R3HCC1L: variants seen among roughly 807,000 people sequenced by gnomAD.
R3HCC1L encodes the protein R3H domain and coiled-coil containing 1 like.
In R3HCC1L, 51 loss-of-function variants were observed where a neutral mutation model predicts 59.9. The ratio of observed to expected loss-of-function variants is 0.85; its 90% CI spans 0.68 to 1.07. R3HCC1L has a LOEUF of 1.07. R3HCC1L is among the 50% of genes least tolerant of loss of function. R3HCC1L has a pLI of 0.00. For synonymous variants in R3HCC1L, 322 were observed against 315.2 expected (o/e 1.02, Z -0.23); for missense variants, 965 against 933.0 (o/e 1.03, Z -0.45).
intron 4 of R3HCC1L, among the ~76,000 whole-genome samples, chr10:98,198,636 C>T (rs968523770): frequency 6.6e-6 from 1 of 150,444 alleles, no homozygotes; most frequent in African/African-American, 2.4e-5. Flanking sequence ...GTTTTGTTTT[C>T]TGATTTATGG....
At position 98,244,253 on chromosome 10, in the gene R3HCC1L, A is replaced by G. The variant is rs1857870579; in HGVS notation, c.*95A>G. ...CTTCCAGAGCTCTATGTACATGCAGATGTGCATGTTAAAGAGATAAAGTGA... is the reference window on the plus strand; with the variant it reads ...CTTCCAGAGCTCTATGTACATGCAGGTGTGCATGTTAAAGAGATAAAGTGA... On this transcript the variant is annotated 3_prime_UTR_variant, in exon 10 of 10. Transcript: ENST00000298999. 1 of 1,206,298 alleles carries G rather than the reference A, an allele frequency of 8.3e-7. No homozygotes were observed. Among genetic ancestry groups the G allele is most frequent in the African/African-American group, 1.5e-5 (1 of 66,346 alleles). 74.7% of individuals were successfully genotyped at this position (1,206,298 alleles called of 1,614,324 possible).
intron 4 of R3HCC1L, among the ~76,000 whole-genome samples, chr10:98,195,472 G>A (rs1851326266): frequency 6.7e-6 from 1 of 149,466 alleles, no homozygotes; most frequent in South Asian, 2.1e-4. Context: ...TACAGAAAAT[G>A]CACAAAACGT....
At chr10:98,231,029 T>TC (rs1251655054) in intron 5 of R3HCC1L, 1 of 424,080 alleles carries the variant, frequency 2.4e-6, no homozygotes, top group South Asian at 1.7e-5. Context: ...TTTAATACAT[T>TC]CAACAAAAAG....
intron 2 of R3HCC1L, among the ~76,000 whole-genome samples, chr10:98,162,024 C>T (rs138670785): frequency 6.8e-4 from 104 of 152,198 alleles, no homozygotes; most frequent in African/African-American, 2.2e-3. Context: ...GAATATCTTT[C>T]CATTTGTTCA....
At chr10:98,217,456 C>G (rs1854344760) in intron 5 of R3HCC1L, among the ~76,000 whole-genome samples, 1 of 152,092 alleles carries the variant, frequency 6.6e-6, no homozygotes, top group African/African-American at 2.4e-5. Context: ...TGTGATACCT[C>G]CAGATTTATT....
chr10:98,182,490 G>T (rs2134608873), intron 4 of R3HCC1L, among the ~76,000 whole-genome samples: 1 of 152,258 alleles, frequency 6.6e-6, no homozygotes, highest in East Asian at 1.9e-4. Context: ...CTACATGGGG[G>T]GTCAGGGACC....
intron 4 of R3HCC1L, among the ~76,000 whole-genome samples, chr10:98,190,493 G>A (rs1850708078): frequency 6.6e-6 from 1 of 152,034 alleles, no homozygotes; most frequent in African/African-American, 2.4e-5. Flanking sequence ...TGAATATGCT[G>A]TTTAGAATAG....
intron 4 of R3HCC1L, among the ~76,000 whole-genome samples, chr10:98,177,793 A>C (rs1441737793): frequency 6.6e-6 from 1 of 152,090 alleles, no homozygotes; most frequent in African/African-American, 2.4e-5. Context: ...GATGATGAGC[A>C]TTTTTTCATG....
chr10:98,145,392 C>CTG (rs1845555596), intron 1 of R3HCC1L, among the ~76,000 whole-genome samples: 1 of 152,126 alleles, frequency 6.6e-6, no homozygotes, highest in Admixed American at 6.5e-5. Context: ...ATGAAGTGTA[C>CTG]TGTGTCATTG....
chr10:98,152,198 G>A (rs567561020), intron 1 of R3HCC1L, among the ~76,000 whole-genome samples: 21 of 152,356 alleles, frequency 1.4e-4, no homozygotes, highest in Admixed American at 1.0e-3. Context: ...CGAGTGGTCC[G>A]CCAGCCTCGG....
intron 7 of R3HCC1L, 94 bp downstream of exon 7, chr10:98,234,610 T>C: frequency 7.5e-7 from 1 of 1,337,254 alleles, no homozygotes; most frequent in Non-Finnish European, 1.1e-6. Context: ...AGTTGGCATC[T>C]TATTCAGCCA....
At chr10:98,165,236 G>C (rs1457480787) in intron 4 of R3HCC1L, among the ~76,000 whole-genome samples, 1 of 152,218 alleles carries the variant, frequency 6.6e-6, no homozygotes, top group African/African-American at 2.4e-5. Context: ...TGCACTTCCA[G>C]CCTGGGCGAC....
At chr10:98,236,284 C>G (rs1856951210) in intron 9 of R3HCC1L, 120 bp downstream of exon 9, 1 of 1,306,810 alleles carries the variant, frequency 7.7e-7, no homozygotes, top group Non-Finnish European at 1.0e-6. Flanking sequence ...TAGAAGCCTC[C>G]TAAGTGTATA....
rs529269492 is a variant in R3HCC1L, at chr10:98,170,378, C to G, written c.-15+6981C>G. Among the ~76,000 whole-genome samples, 3 of 152,224 alleles carry G rather than the reference C, an allele frequency of 2.0e-5. No homozygotes were observed. The East Asian group carries it at 5.8e-4, about 29-fold the overall frequency. On this transcript the variant is annotated intron_variant, in intron 4 of 9. Transcript: ENST00000298999. ...TCACCCAGGCTGGAGTACAGTGTCA[C>G]AATCATAGTTCACTGCACCCTCAAA...
intron 6 of R3HCC1L, among the ~76,000 whole-genome samples, chr10:98,232,378 A>G (rs1856497099): frequency 6.6e-6 from 1 of 152,198 alleles, no homozygotes; most frequent in African/African-American, 2.4e-5. Flanking sequence ...TCCATGGTGA[A>G]AATATCAACT....
In R3HCC1L at chr10:98,134,662, T is replaced by C. The variant is rs930664608; in HGVS notation, c.-312T>C. The stretch of plus-strand genomic sequence containing the variant: ...GCCCCAGCGGCGCGAGCGGAAGAGA[T>C]AGAGCTTCGCGGAGACGGCGGAAGC... On this transcript the variant is annotated 5_prime_UTR_variant, in exon 1 of 10. Coordinates refer to ENST00000298999, the MANE Select transcript of R3HCC1L (RefSeq NM_001351015.2). 10 of 152,214 alleles carry C rather than the reference T, an allele frequency of 6.6e-5. No homozygotes were observed. Among genetic ancestry groups the C allele is most frequent in the East Asian group, 1.9e-4 (1 of 5,162 alleles). 9.4% of individuals were successfully genotyped at this position (152,214 alleles called of 1,614,324 possible).
chr10:98,189,787 T>TA (rs1479231785), intron 4 of R3HCC1L, among the ~76,000 whole-genome samples: 2 of 152,222 alleles, frequency 1.3e-5, no homozygotes, highest in Non-Finnish European at 2.9e-5. Flanking sequence ...TTATAGTTTT[T>TA]AAAATATGAA....
intron 5 of R3HCC1L, among the ~76,000 whole-genome samples, chr10:98,216,648 C>G (rs771444626): frequency 6.6e-6 from 1 of 152,114 alleles, no homozygotes; most frequent in African/African-American, 2.4e-5. Flanking sequence ...TCTTAGCTCA[C>G]TGTAGCCTCA....
chr10:98,140,582 G>A (rs950743303), intron 1 of R3HCC1L, among the ~76,000 whole-genome samples: 1 of 152,182 alleles, frequency 6.6e-6, no homozygotes, highest in Admixed American at 6.5e-5. Flanking sequence ...ACAGATACAG[G>A]GAGGGAGACA....
Sources: gnomAD v4.1 joint callset for allele counts (sites outside exome capture counted in the v4.1 genomes callset) on GRCh38, gnomAD v4.1.1 for gene constraint, MANE v1.5 for transcripts, NCBI Gene and HGNC (gene_info 2026-07-23, HGNC 2026-07-21) for gene names.